Variants in RFTN2 observed in about 807,000 individuals in gnomAD.
RFTN2 encodes raftlin family member 2.
Under a neutral mutation model 52.7 loss-of-function variants are expected in RFTN2, and 34 were observed. The ratio of observed to expected loss-of-function variants is 0.64; its 90% CI spans 0.49 to 0.86. The LOEUF is 0.86. Among genes scored for constraint, RFTN2 ranks in the 40% least tolerant of loss-of-function variants. The pLI, the probability that RFTN2 is intolerant of heterozygous loss-of-function variation, is 0.00. For synonymous variants in RFTN2, 203 were observed against 217.7 expected, an observed-to-expected ratio of 0.93 and a Z score of 0.59; for missense variants, 536 against 600.1, an observed-to-expected ratio of 0.89 and a Z score of 1.12.
intron 5 of RFTN2, among the ~76,000 whole-genome samples, chr2:197,619,782 AT>A (rs2088229332): frequency 1.3e-5 from 2 of 150,166 alleles, no homozygotes; most frequent in South Asian, 2.1e-4. Flanking sequence ...ATAAAATAAA[AT>A]TAAAAAAAAA....
At chr2:197,650,618 A>G (rs1165464308) in intron 1 of RFTN2, among the ~76,000 whole-genome samples, 4 of 152,164 alleles carry the variant, frequency 2.6e-5, no homozygotes, top group African/African-American at 9.7e-5. Context: ...GTAGCATGTT[A>G]CAAGATTTCC....
chr2:197,651,643 A>T (rs2088829691), intron 1 of RFTN2, among the ~76,000 whole-genome samples: 1 of 152,134 alleles, frequency 6.6e-6, no homozygotes, highest in Non-Finnish European at 1.5e-5. Flanking sequence ...AAACAACAAA[A>T]AAAAAGAAAA....
In RFTN2 at chr2:197,670,384, C is replaced by T. The variant is rs116060404; in HGVS notation, c.139+4936G>A. ...GTGCCTCATGATGCACATGTACACTCATTTCTGTTGGGTATATCTTTAGCT... is the reference window on the plus strand; with the variant it reads ...GTGCCTCATGATGCACATGTACACTTATTTCTGTTGGGTATATCTTTAGCT... On this transcript the variant is annotated intron_variant, in intron 1 of 8. Transcript: ENST00000295049. Among the ~76,000 whole-genome samples, 902 of 152,324 alleles carry T rather than the reference C, an allele frequency of 5.9e-3. 13 individuals carry two copies. The highest frequency in any genetic ancestry group is 0.021 in the African/African-American group (860 of 41,578).
chr2:197,644,182 G>T lies in RFTN2; in HGVS notation c.414C>A (p.Asp138Glu). Residue 138 changes from aspartate to glutamate, a missense_variant, in exon 3 of 9, where the codon GAC becomes GAA. Coordinates refer to ENST00000295049, the MANE Select transcript of RFTN2 (RefSeq NM_144629.3). ...CPLTSEAQTN[D>E]AAKELIEKIN... Reference sequence around the variant, plus strand: ...CCTTTTCTATCAGTTCTTTTGCTGCGTCATTTGTTTGTGCCTCAGAAGTTA... The same window carrying T: ...CCTTTTCTATCAGTTCTTTTGCTGCTTCATTTGTTTGTGCCTCAGAAGTTA... 2 of 1,608,806 alleles carry T rather than the reference G, an allele frequency of 1.2e-6. No homozygotes were observed. The highest frequency in any genetic ancestry group is 1.1e-5 in the South Asian group (1 of 90,960).
chr2:197,598,974 C>T lies in RFTN2; in HGVS notation c.1155-2905G>A, dbSNP rs993862628. 2.7e-5 allele frequency among the ~76,000 whole-genome samples: 4 copies of T among 149,566 alleles called. No homozygotes were observed. The East Asian group carries it at 7.8e-4, about 29-fold the overall frequency. ...CTTCTTCTTCTTTTTTTTTTTTTGA[C>T]GGAGTCTCGCTCTGTCGCCCAGGCT... On this transcript the variant is annotated intron_variant, in intron 7 of 8. Coordinates refer to ENST00000295049, the MANE Select transcript of RFTN2 (RefSeq NM_144629.3).
chr2:197,617,982 C>T, intron 5 of RFTN2, 61 bp from the exon 6 acceptor site: 1 of 1,343,116 alleles, frequency 7.4e-7, no homozygotes, highest in Non-Finnish European at 9.8e-7. Context: ...ATAAAACCAT[C>T]TAAATCCTTA....
chr2:197,637,984 A>T, intron 3 of RFTN2, among the ~76,000 whole-genome samples: 1 of 149,170 alleles, frequency 6.7e-6, no homozygotes, highest in Non-Finnish European at 1.5e-5. Flanking sequence ...TTCTGCCTCC[A>T]TTTCGTTATG....
At chr2:197,670,213 A>G (rs1381231072) in intron 1 of RFTN2, among the ~76,000 whole-genome samples, 1 of 152,214 alleles carries the variant, frequency 6.6e-6, no homozygotes, top group Non-Finnish European at 1.5e-5. Flanking sequence ...CATATTTACC[A>G]TCCAACCCTT....
At chr2:197,640,442 C>T (rs1263816504) in intron 3 of RFTN2, among the ~76,000 whole-genome samples, 1 of 152,254 alleles carries the variant, frequency 6.6e-6, no homozygotes, top group African/African-American at 2.4e-5. Context: ...TCGTGGTGCG[C>T]CGTTTTTTAA....
intron 8 of RFTN2, among the ~76,000 whole-genome samples, chr2:197,580,219 A>T (rs563337184): frequency 3.3e-5 from 5 of 152,236 alleles, no homozygotes; most frequent in Admixed American, 3.3e-4. Flanking sequence ...CCACAACAGA[A>T]CTTTATTAAC....
At chr2:197,674,069 T>C (rs1275778109) in intron 1 of RFTN2, among the ~76,000 whole-genome samples, 1 of 152,050 alleles carries the variant, frequency 6.6e-6, no homozygotes, top group East Asian at 1.9e-4. Flanking sequence ...CAAACGGTTG[T>C]TTGGTTACTT....
At chr2:197,600,275 T>C (rs2087860804) in intron 7 of RFTN2, among the ~76,000 whole-genome samples, 1 of 152,174 alleles carries the variant, frequency 6.6e-6, no homozygotes. Context: ...TGGAGATGGT[T>C]TGTCAAAGGC....
chr2:197,627,273 G>A lies in RFTN2; in HGVS notation c.928+3738C>T, dbSNP rs562647523. 2.0e-5 allele frequency among the ~76,000 whole-genome samples: 3 copies of A among 152,328 alleles called. No homozygotes were observed. The South Asian group carries it at 6.2e-4, about 32-fold the overall frequency. On this transcript the variant is annotated intron_variant, in intron 5 of 8. Transcript: ENST00000295049. ...TCTCAGTGTGATTGCTGCCTTCTCA[G>A]AGGGGACCTCCCGACCACCTCTTTA...
rs988655757 is a variant in RFTN2 at position 197,653,112 on chromosome 2, C to A, written c.140-6446G>T. Among the ~76,000 whole-genome samples the A allele has an allele frequency of 4.6e-5, 7 of 152,242 alleles. No individual in the cohort carries two copies. The South Asian group carries it at 6.2e-4, about 14-fold the overall frequency. On this transcript the variant is annotated intron_variant, in intron 1 of 8. Coordinates refer to ENST00000295049, the MANE Select transcript of RFTN2 (RefSeq NM_144629.3). ...TTATATTATTAATATCTGCCTCCCC[C>A]ACAAGGGCAGGATGAAAGCTCTGTG...
In RFTN2 at chr2:197,643,605, A is replaced by G. The variant is rs569597346; in HGVS notation, c.438+553T>C. Among the ~76,000 whole-genome samples, 8 of 152,148 alleles carry G rather than the reference A, an allele frequency of 5.3e-5. No homozygotes were observed. The South Asian group carries it at 1.5e-3, about 28-fold the overall frequency. On this transcript the variant is annotated intron_variant, in intron 3 of 8. Transcript: ENST00000295049. ...TTAAGACGGCATATTACTTTCATGA[A>G]TTTGTATTCCTTTCCTGTAATGTAT...
rs528399959 is a variant in RFTN2, at chr2:197,675,242, T to G, written c.139+78A>C. 626 of 1,134,946 alleles carry G rather than the reference T, an allele frequency of 5.5e-4. 9 individuals are homozygous for G. In the South Asian group the frequency reaches 8.4e-3, roughly 15 times the overall value. The allele number at this position is 1,134,946 out of a possible 1,614,324, so 70.3% of individuals were successfully genotyped here. A position where few individuals can be genotyped will look rare whatever the true frequency, so the allele number is the denominator to read the frequency against. On this transcript the variant is annotated intron_variant, in intron 1 of 8. Coordinates refer to ENST00000295049, the MANE Select transcript of RFTN2 (RefSeq NM_144629.3). Reference sequence around the variant, plus strand: ...TCATTATGAAGAACAGTTTAAAAATTTATTAAGTCAACACTTAAAAATGAC... The same window carrying G: ...TCATTATGAAGAACAGTTTAAAAATGTATTAAGTCAACACTTAAAAATGAC...
intron 8 of RFTN2, among the ~76,000 whole-genome samples, chr2:197,594,305 C>T (rs767766366): frequency 7.2e-5 from 11 of 151,878 alleles, no homozygotes; most frequent in African/African-American, 2.2e-4. Flanking sequence ...TGAGCCACCA[C>T]GCTGGGCCAG....
At chr2:197,627,581 A>G (rs2088386270) in intron 5 of RFTN2, among the ~76,000 whole-genome samples, 1 of 152,206 alleles carries the variant, frequency 6.6e-6, no homozygotes, top group South Asian at 2.1e-4. Context: ...ATAGGAGTGG[A>G]AAGATTGAAA....
intron 1 of RFTN2, among the ~76,000 whole-genome samples, chr2:197,669,031 T>G (rs576593609): frequency 6.6e-6 from 1 of 152,328 alleles, no homozygotes; most frequent in Non-Finnish European, 1.5e-5. Flanking sequence ...TTTTAGATAT[T>G]TCTTGTCACT....
Sources: allele counts gnomAD v4.1 joint callset (sites outside exome capture counted in the v4.1 genomes callset), GRCh38; gene constraint gnomAD v4.1.1; transcripts MANE v1.5; gene names NCBI Gene and HGNC (gene_info 2026-07-23, HGNC 2026-07-21).